The following TACC2 variants were observed in gnomAD, a reference collection of about 807,000 sequenced individuals.
The protein encoded by TACC2 is transforming acidic coiled-coil-containing protein 2.
Under a neutral mutation model 227.3 loss-of-function variants are expected in TACC2, and 137 were observed. The ratio of observed to expected loss-of-function variants is 0.60; its 90% CI spans 0.52 to 0.69. The LOEUF (loss-of-function observed/expected upper bound fraction) is 0.69, where lower values mean the gene tolerates loss of function less well. Among genes scored for constraint, TACC2 ranks in the 30% least tolerant of loss-of-function variants. TACC2 has a pLI of 0.00. For missense variants in TACC2, 3,470 were observed against 3,694.4 expected, an observed-to-expected ratio of 0.94 and a Z score of 1.57; for synonymous variants, 1,523 against 1,487.5, an observed-to-expected ratio of 1.02 and a Z score of -0.55.
chr10:122,238,692 C>G (rs1186407722), intron 18 of TACC2, among the ~76,000 whole-genome samples: 1 of 152,074 alleles, frequency 6.6e-6, no homozygotes, highest in Non-Finnish European at 1.5e-5. Context: ...CTCAGATGAT[C>G]CACCCGCCTC....
chr10:122,083,928 A>C lies in TACC2; in HGVS notation c.1428A>C (p.Gly476=), dbSNP rs775830036. The change falls in exon 4 of 23, where the codon GGA becomes GGC. Residue 476 remains glycine, a synonymous_variant. Coordinates refer to ENST00000369005, the MANE Select transcript of TACC2 (RefSeq NM_206862.4). ...TGGAGAGGCAGGTGTCAGATCTTGG[A>C]AGCAAGGGAGAGCATCCAGAAGGGG... ...VGLERQVSDL[G]SKGEHPEGDP... The C allele has an allele frequency of 1.2e-5, 19 of 1,613,898 alleles. 1 individual carries two copies. In the South Asian group the frequency reaches 2.0e-4, roughly 17 times the overall value.
chr10:122,192,570 T>A, intron 7 of TACC2: 1 of 403,372 alleles, frequency 2.5e-6, no homozygotes, highest in Non-Finnish European at 5.1e-6. Context: ...CTGTGGCCGG[T>A]GGTGCAGCTA....
chr10:122,192,040 A>G (rs1431458657), intron 7 of TACC2, among the ~76,000 whole-genome samples: 1 of 152,204 alleles, frequency 6.6e-6, no homozygotes, highest in African/African-American at 2.4e-5. Context: ...GATAGGGAAA[A>G]AAGAGCTAAT....
intron 14 of TACC2, 151 bp from the exon 15 acceptor site, chr10:122,229,195 G>A (rs970340109): frequency 9.8e-5 from 85 of 866,550 alleles, no homozygotes; most frequent in Non-Finnish European, 5.0e-5. Flanking sequence ...TAGTCTAGAT[G>A]AAACCACAAG....
At chr10:122,125,776 CTTTT>C (rs67882679) in intron 5 of TACC2, among the ~76,000 whole-genome samples, 1 of 117,214 alleles carries the variant, frequency 8.5e-6, no homozygotes, top group African/African-American at 2.9e-5. Context: ...AATATCCTTC[CTTTT>C]TTTTTTTTTT....
intron 7 of TACC2, among the ~76,000 whole-genome samples, chr10:122,146,136 G>C (rs964718459): frequency 5.3e-5 from 8 of 152,180 alleles, no homozygotes; most frequent in Admixed American, 2.0e-4. Flanking sequence ...CTTAGTCTGG[G>C]TAGCTGAGGA....
intron 2 of TACC2, among the ~76,000 whole-genome samples, chr10:122,042,736 C>T (rs372127919): frequency 2.6e-5 from 4 of 152,236 alleles, no homozygotes; most frequent in South Asian, 2.1e-4. Context: ...ATACGGTACT[C>T]GAGGTGTAGA....
intron 7 of TACC2, among the ~76,000 whole-genome samples, chr10:122,183,243 G>A (rs11200457): frequency 1.3e-5 from 2 of 151,724 alleles, no homozygotes; most frequent in South Asian, 4.2e-4. Context: ...ACAACAGGGG[G>A]TGGGGGCTTA....
Position 122,053,624 on chromosome 10 carries a change from C to T in TACC2, c.146+3074C>T, listed in dbSNP as rs183493039. Among the ~76,000 whole-genome samples the T allele has an allele frequency of 5.3e-4, 81 of 152,222 alleles. 1 individual carries two copies. The highest frequency in any genetic ancestry group is 4.8e-3 in the East Asian group (25 of 5,158). Reference sequence around the variant, plus strand: ...ACCGTAGGCAGGAGGAAATCTTTGGCGAGGCTTTGGGAGCCCATGACCGCT... The same window carrying T: ...ACCGTAGGCAGGAGGAAATCTTTGGTGAGGCTTTGGGAGCCCATGACCGCT... On this transcript the variant is annotated intron_variant, in intron 3 of 22. Coordinates refer to ENST00000369005, the MANE Select transcript of TACC2 (RefSeq NM_206862.4).
intron 1 of TACC2, among the ~76,000 whole-genome samples, chr10:122,000,548 C>T (rs1296331993): frequency 6.6e-6 from 1 of 152,154 alleles, no homozygotes; most frequent in Non-Finnish European, 1.5e-5. Context: ...GGAGTGGGCT[C>T]TAGTCACAAA....
chr10:122,122,228 A>C (rs1406836495), intron 5 of TACC2, among the ~76,000 whole-genome samples: 2 of 151,398 alleles, frequency 1.3e-5, no homozygotes, highest in East Asian at 3.9e-4. Flanking sequence ...GGTGGTGGGC[A>C]CCTATAGTCC....
chr10:122,027,573 A>G (rs907441723), intron 2 of TACC2, among the ~76,000 whole-genome samples: 7 of 152,062 alleles, frequency 4.6e-5, no homozygotes, highest in African/African-American at 1.4e-4. Context: ...TGGGTTTGCT[A>G]TTCTTGTCCA....
Position 122,063,831 on chromosome 10 carries a change from T to TACACACACAC in TACC2, c.146+13298_146+13307dup, listed in dbSNP as rs139868618. 2.9e-3 allele frequency among the ~76,000 whole-genome samples: 422 copies of TACACACACAC among 146,432 alleles called. 2 individuals are homozygous for TACACACACAC. The highest frequency in any genetic ancestry group is 8.3e-3 in the African/African-American group (329 of 39,820). ...TATATTATACATATATATTATATAA[T>TACACACACAC]ACACACACACACACACACACACACA... On this transcript the variant is annotated intron_variant, in intron 3 of 22. Coordinates refer to ENST00000369005, the MANE Select transcript of TACC2 (RefSeq NM_206862.4).
chr10:122,100,136 C>A (rs117409688), intron 5 of TACC2, among the ~76,000 whole-genome samples: 2 of 152,002 alleles, frequency 1.3e-5, no homozygotes, highest in Non-Finnish European at 2.9e-5. Context: ...TGGTGGCGTG[C>A]GCCTGTAGTC....
chr10:122,069,035 T>G (rs1217385084), intron 3 of TACC2, among the ~76,000 whole-genome samples: 1 of 98,674 alleles, frequency 1.0e-5, no homozygotes, highest in Non-Finnish European at 2.1e-5. Flanking sequence ...TTAGGGGGTT[T>G]CTACACCTGC....
At position 122,248,676 on chromosome 10, in the gene TACC2, A is replaced by G. The variant is rs1407465849; in HGVS notation, c.8426A>G (p.Gln2809Arg). 1.9e-6 allele frequency: 3 copies of G among 1,613,836 alleles called. No individual in the cohort carries two copies. Among genetic ancestry groups the G allele is most frequent in the Non-Finnish European group, 2.5e-6 (3 of 1,180,028 alleles). Residue 2809 changes from glutamine to arginine, a missense_variant, in exon 20 of 23, where the codon CAG becomes CGG. Physicochemically the swap from Gln to Arg is conservative, Grantham distance 43. This residue lies in a region of TACC2 where 65 missense variants were observed against 119.3 expected (regional missense o/e 0.54). Transcript: ENST00000369005. ...CAGAGAGAGAAGTCAGTCTCCCACC[A>G]GACGGTGCAGCAGCTGGTTCTGGAG... ...DEQREKSVSH[Q>R]TVQQLVLEKE...
At chr10:122,168,093 AG>A (rs58214476) in intron 7 of TACC2, among the ~76,000 whole-genome samples, 147,761 of 147,762 alleles carry the variant, frequency 1, 73,880 homozygotes, top group Non-Finnish European at 1. Flanking sequence ...TTGTAGAGAC[AG>A]GGGCCTTGCT....
intron 3 of TACC2, among the ~76,000 whole-genome samples, chr10:122,066,002 A>G (rs2077337085): frequency 6.6e-6 from 1 of 152,102 alleles, no homozygotes; most frequent in South Asian, 2.1e-4. Flanking sequence ...CCATTGTTTT[A>G]CATTTAGCCT....
chr10:122,021,181 A>G (rs1379032338), intron 1 of TACC2, among the ~76,000 whole-genome samples: 1 of 149,934 alleles, frequency 6.7e-6, no homozygotes, highest in Admixed American at 6.7e-5. Flanking sequence ...GTGAGTCGAG[A>G]TCGTGCCACT....
Sources: allele counts gnomAD v4.1 joint callset (sites outside exome capture counted in the v4.1 genomes callset), GRCh38; gene constraint gnomAD v4.1.1; regional missense constraint gnomAD v4.1.1; transcripts MANE v1.5; gene names NCBI Gene and HGNC (gene_info 2026-07-23, HGNC 2026-07-21).